NEO1: variants seen among roughly 807,000 people sequenced by gnomAD.
NEO1 encodes the protein neogenin 1, also known as neogenin.
Under a neutral mutation model 159.7 loss-of-function variants are expected in NEO1, and 63 were observed. The observed-to-expected ratio is 0.39, with a 90% CI of 0.32 to 0.49. The LOEUF is 0.49. Among genes scored for constraint, NEO1 ranks in the 20% least tolerant of loss-of-function variants. The pLI, the probability that NEO1 is intolerant of heterozygous loss-of-function variation, is 0.85. For missense variants in NEO1, 1,615 were observed against 1,831.0 expected (o/e 0.88, Z 2.15); for synonymous variants, 633 against 662.0 (o/e 0.96, Z 0.67).
intron 28 of NEO1, among the ~76,000 whole-genome samples, chr15:73,302,394 T>C (rs1951485452): frequency 6.6e-6 from 1 of 152,102 alleles, no homozygotes; most frequent in Non-Finnish European, 1.5e-5. Flanking sequence ...GGGGAGTATG[T>C]GTTGGGAGAA....
intron 18 of NEO1, 123 bp downstream of exon 18, chr15:73,270,577 A>T (rs547917588): frequency 2.4e-5 from 26 of 1,073,560 alleles, no homozygotes; most frequent in Non-Finnish European, 3.4e-5. Context: ...AGTGTTTGCT[A>T]TTTCAGCTGA....
In NEO1 at chr15:73,270,229, A is replaced by G; in HGVS notation, c.2714A>G (p.Tyr905Cys). The G allele has an allele frequency of 6.2e-7, 1 of 1,614,212 alleles. No homozygotes were observed. Among genetic ancestry groups the G allele is most frequent in the Non-Finnish European group, 8.5e-7 (1 of 1,180,032 alleles). Residue 905 changes from tyrosine (Y) to cysteine (C), a missense_variant, in exon 17 of 29, where the codon TAC becomes TGC. By Grantham distance (194) the Tyr-to-Cys change is radical. This residue lies in a region of NEO1 where 126 missense variants were observed against 216.7 expected (regional missense o/e 0.58). Transcript: ENST00000261908. ...WKTNIPANTK[Y>C]KNANATTLSY... ...ACCAACATCCCAGCAAACACCAAGT[A>G]CAAGGTACTGACACATTTGCCCTGG...
At chr15:73,251,192 C>T (rs918700518) in intron 11 of NEO1, among the ~76,000 whole-genome samples, 1 of 152,036 alleles carries the variant, frequency 6.6e-6, no homozygotes, top group African/African-American at 2.4e-5. Context: ...CACTGTTTTC[C>T]ATGGGCTTGA....
In NEO1 at chr15:73,170,836, G is replaced by A. The variant is rs188557984; in HGVS notation, c.1016-5567G>A. Among the ~76,000 whole-genome samples the A allele has an allele frequency of 4.7e-4, 72 of 152,266 alleles. 1 individual carries two copies. Among genetic ancestry groups the A allele is most frequent in the South Asian group, 2.5e-3 (12 of 4,814 alleles). On this transcript the variant is annotated intron_variant, in intron 5 of 28. Coordinates refer to ENST00000261908, the MANE Select transcript of NEO1 (RefSeq NM_002499.4). ...GAATATAGTAATAAGTAATATAAGG[G>A]ATGTTTCTCTTTACAGAATGAGTGA...
chr15:73,249,017 A>G (rs2039939569), intron 9 of NEO1, 43 bp from the exon 10 acceptor site: 1 of 1,606,390 alleles, frequency 6.2e-7, no homozygotes, highest in Non-Finnish European at 8.5e-7. Context: ...TGAGGAGTGT[A>G]GCATTTCATT....
intron 8 of NEO1, among the ~76,000 whole-genome samples, chr15:73,238,591 A>G (rs2039326077): frequency 6.6e-6 from 1 of 151,780 alleles, no homozygotes; most frequent in Non-Finnish European, 1.5e-5. Context: ...AATATATTAG[A>G]AGAAAATATA....
At chr15:73,185,777 C>T (rs1440515713) in intron 7 of NEO1, among the ~76,000 whole-genome samples, 3 of 152,056 alleles carry the variant, frequency 2.0e-5, no homozygotes, top group Non-Finnish European at 4.4e-5. Flanking sequence ...TACATCTATA[C>T]AATGGAACGT....
intron 1 of NEO1, among the ~76,000 whole-genome samples, chr15:73,089,755 A>G (rs1390989866): frequency 2.6e-5 from 4 of 152,236 alleles, no homozygotes; most frequent in African/African-American, 9.6e-5. Context: ...AAAATTTAAA[A>G]TATACATTAT....
rs754314250 is a variant in NEO1 at position 73,278,158 on chromosome 15, G to A, written c.3221G>A (p.Arg1074Gln). Residue 1074 changes from arginine (R) to glutamine (Q), a missense_variant, in exon 22 of 29, where the codon CGG becomes CAG. Arg to Gln is a conservative substitution (Grantham distance 43, BLOSUM62 1). This residue lies in a region of NEO1 where 126 missense variants were observed against 216.7 expected (regional missense o/e 0.58). Transcript: ENST00000261908. Reference protein sequence around the residue: ...QASGSGGKGSRLPDLGSDYKP... With the variant: ...QASGSGGKGSQLPDLGSDYKP... Reference sequence around the variant, plus strand: ...TCAGGGTCTGGAGGGAAAGGAAGCCGGCTGCCAGACCTAGGATCCGACTAC... The same window carrying A: ...TCAGGGTCTGGAGGGAAAGGAAGCCAGCTGCCAGACCTAGGATCCGACTAC... The A allele has an allele frequency of 1.1e-5, 18 of 1,613,070 alleles. No individual in the cohort carries two copies. Among genetic ancestry groups the A allele is most frequent in the African/African-American group, 6.7e-5 (5 of 74,910 alleles).
At chr15:73,283,150 C>A (rs2041801197) in intron 23 of NEO1, 39 bp downstream of exon 23, 1 of 1,610,476 alleles carries the variant, frequency 6.2e-7, no homozygotes, top group African/African-American at 1.3e-5. Context: ...TTTTTGGCAT[C>A]TTATCTTTTG....
intron 24 of NEO1, 48 bp from the exon 25 acceptor site, chr15:73,289,098 G>A: frequency 6.7e-7 from 1 of 1,491,614 alleles, no homozygotes; most frequent in Non-Finnish European, 9.3e-7. Context: ...AGGCTGCTCA[G>A]TGGCATAGGG....
At chr15:73,234,003 C>G (rs759939455) in intron 7 of NEO1, among the ~76,000 whole-genome samples, 2 of 152,134 alleles carry the variant, frequency 1.3e-5, no homozygotes, top group Non-Finnish European at 2.9e-5. Context: ...GAACATAAGT[C>G]TTTGTACTCG....
chr15:73,234,164 T>G (rs1229155648), intron 7 of NEO1, among the ~76,000 whole-genome samples: 1 of 152,192 alleles, frequency 6.6e-6, no homozygotes, highest in Non-Finnish European at 1.5e-5. Flanking sequence ...GACATGCAAA[T>G]GAGGCTGCAA....
chr15:73,078,316 G>T (rs957907934), intron 1 of NEO1, among the ~76,000 whole-genome samples: 1 of 152,180 alleles, frequency 6.6e-6, no homozygotes, highest in African/African-American at 2.4e-5. Flanking sequence ...TGACAATGTA[G>T]AATGCTTTCT....
chr15:73,204,724 C>T (rs1260085945), intron 7 of NEO1, among the ~76,000 whole-genome samples: 1 of 152,164 alleles, frequency 6.6e-6, no homozygotes, highest in Admixed American at 6.5e-5. Context: ...TTGAAATACC[C>T]TGGTGATAAT....
chr15:73,206,450 T>TAAAAGTTTGTC (rs1287891422), intron 7 of NEO1, among the ~76,000 whole-genome samples: 2 of 152,184 alleles, frequency 1.3e-5, no homozygotes, highest in South Asian at 2.1e-4. Context: ...AGTTTATTCA[T>TAAAAGTTTGTC]AAAAGTTTGT....
chr15:73,146,679 A>G (rs774293258), intron 5 of NEO1, among the ~76,000 whole-genome samples: 6 of 152,244 alleles, frequency 3.9e-5, no homozygotes, highest in Non-Finnish European at 7.3e-5. Context: ...CACCTTCAGA[A>G]GAGAACTTTC....
intron 1 of NEO1, among the ~76,000 whole-genome samples, chr15:73,098,465 ATG>A (rs140552682): frequency 2.5e-3 from 383 of 152,206 alleles, no homozygotes; most frequent in African/African-American, 8.8e-3. Context: ...AGTTATATAT[ATG>A]TGTGTGTGTT....
chr15:73,225,660 C>A (rs1262761061), intron 7 of NEO1, among the ~76,000 whole-genome samples: 1 of 152,126 alleles, frequency 6.6e-6, no homozygotes, highest in South Asian at 2.1e-4. Context: ...TCTAACAGCC[C>A]CGAGTCTGCC....
Sources: gnomAD v4.1 joint callset for allele counts (sites outside exome capture counted in the v4.1 genomes callset) on GRCh38, gnomAD v4.1.1 for gene constraint, gnomAD v4.1.1 regional missense constraint, MANE v1.5 for transcripts, NCBI Gene and HGNC (gene_info 2026-07-23, HGNC 2026-07-21) for gene names.